TSHZ2: variants seen among roughly 807,000 people sequenced by gnomAD.
TSHZ2 encodes the protein teashirt homolog 2.
In TSHZ2, 21 loss-of-function variants were observed where a neutral mutation model predicts 74.4. The observed-to-expected ratio is 0.28, with a 90% confidence interval of 0.20 to 0.41. The LOEUF is 0.41. TSHZ2 is among the 10% of genes least tolerant of loss of function. TSHZ2 has a pLI of 1.00. For missense variants in TSHZ2, 1,244 were observed against 1,293.5 expected (o/e 0.96, Z 0.59); for synonymous variants, 540 against 515.3 (o/e 1.05, Z -0.65).
At chr20:53,310,331 C>A (rs796119961) in intron 2 of TSHZ2, among the ~76,000 whole-genome samples, 2 of 152,326 alleles carry the variant, frequency 1.3e-5, no homozygotes, top group African/African-American at 4.8e-5. Context: ...CAGAGGATAT[C>A]AACTAGTAGG....
At chr20:53,320,158 A>C (rs1169646122) in intron 2 of TSHZ2, among the ~76,000 whole-genome samples, 1 of 152,216 alleles carries the variant, frequency 6.6e-6, no homozygotes, top group Non-Finnish European at 1.5e-5. Context: ...CAAAGCACGT[A>C]CTGTGTGCCA....
intron 1 of TSHZ2, among the ~76,000 whole-genome samples, chr20:53,063,608 A>C (rs930172357): frequency 1.3e-5 from 2 of 152,222 alleles, no homozygotes; most frequent in African/African-American, 2.4e-5. Context: ...ATTTTGGAGC[A>C]TATTTTTCAT....
chr20:53,403,405 T>A (rs1982739447), intron 2 of TSHZ2, among the ~76,000 whole-genome samples: 1 of 152,244 alleles, frequency 6.6e-6, no homozygotes, highest in Admixed American at 6.5e-5. Flanking sequence ...TTCTCTCTTC[T>A]GCGGGTTCCC....
chr20:53,268,474 G>A (rs577229755), intron 2 of TSHZ2, among the ~76,000 whole-genome samples: 2 of 152,142 alleles, frequency 1.3e-5, no homozygotes, highest in African/African-American at 2.4e-5. Context: ...AGGCAATAGC[G>A]TGACTTAGAA....
chr20:53,041,741 A>G (rs113128648), intron 1 of TSHZ2, among the ~76,000 whole-genome samples: 2,148 of 152,354 alleles, frequency 0.014, 55 homozygotes, highest in African/African-American at 0.044. Flanking sequence ...GGTAAGTGGC[A>G]GAGCCAGCAT....
chr20:53,353,418 AAACTG>A (rs1335665453), intron 2 of TSHZ2, among the ~76,000 whole-genome samples: 1 of 152,190 alleles, frequency 6.6e-6, no homozygotes, highest in African/African-American at 2.4e-5. Flanking sequence ...TTTTTGGTAA[AAACTG>A]AAGTCATACC....
intron 2 of TSHZ2, among the ~76,000 whole-genome samples, chr20:53,303,185 A>G (rs1057093650): frequency 2.0e-5 from 3 of 152,264 alleles, no homozygotes; most frequent in Admixed American, 2.0e-4. Context: ...CTCTTTAAGA[A>G]AATTTCAAAA....
Position 53,254,035 on chromosome 20 carries a change from A to C in TSHZ2, c.577A>C (p.Ser193Arg). ...GTCCGTCTCGAAACCCAGCCTGTTC[A>C]GCTCGGTGCAGTTGTACCGACAGAG... ...SRSVSKPSLF[S>R]SVQLYRQSSK... The change falls in exon 2 of 3, where the codon AGC becomes CGC. Residue 193 changes from serine to arginine, a missense_variant. This residue lies in a region of TSHZ2 where 470 missense variants were observed against 456.5 expected (regional missense o/e 1.03). Coordinates refer to ENST00000371497, the MANE Select transcript of TSHZ2 (RefSeq NM_173485.6). The C allele has an allele frequency of 6.2e-7, 1 of 1,614,148 alleles. No individual in the cohort carries two copies. The highest frequency in any genetic ancestry group is 8.5e-7 in the Non-Finnish European group (1 of 1,180,030).
At chr20:53,376,967 T>C (rs1981679551) in intron 2 of TSHZ2, among the ~76,000 whole-genome samples, 1 of 152,206 alleles carries the variant, frequency 6.6e-6, no homozygotes, top group Non-Finnish European at 1.5e-5. Context: ...CTCCTCTCCA[T>C]GGGAGGAATA....
chr20:53,199,251 A>T (rs1041981583), intron 1 of TSHZ2, among the ~76,000 whole-genome samples: 1 of 152,184 alleles, frequency 6.6e-6, no homozygotes, highest in African/African-American at 2.4e-5. Context: ...TAATCCCAGC[A>T]CTTTGGGAGG....
At position 53,253,852 on chromosome 20, in the gene TSHZ2, A is replaced by T; in HGVS notation, c.394A>T (p.Ile132Phe). ...TAAAATGACCGCTGTCTACGCCAAC[A>T]TCCTGTCGGATTCCTACTGGTCAGG... ...MDKMTAVYAN[I>F]LSDSYWSGLG... The change falls in exon 2 of 3, where the codon ATC becomes TTC. Residue 132 changes from isoleucine (I) to phenylalanine (F), a missense_variant. Around this residue, in one of 6 missense-constraint regions of TSHZ2, gnomAD observed 470 missense variants for 456.5 expected, o/e 1.03. Transcript: ENST00000371497. 1 of 1,614,196 alleles carries T rather than the reference A, an allele frequency of 6.2e-7. No individual in the cohort carries two copies.
chr20:53,253,663 T>C lies in TSHZ2; in HGVS notation c.205T>C (p.Ser69Pro), dbSNP rs764625119. The change falls in exon 2 of 3, where the codon TCT (serine) becomes CCT (proline). Residue 69 changes from serine to proline, a missense_variant. Ser to Pro is a moderately conservative substitution (Grantham distance 74, BLOSUM62 -1). Around this residue, in one of 6 missense-constraint regions of TSHZ2, gnomAD observed 470 missense variants for 456.5 expected, o/e 1.03. Transcript: ENST00000371497. ...AAAAGGCTGCTTCAGCTACCAGAACTCTCCAGGAAGTCATTTGTCCAATCA... is the reference window on the plus strand; with the variant it reads ...AAAAGGCTGCTTCAGCTACCAGAACCCTCCAGGAAGTCATTTGTCCAATCA... ...EQKGCFSYQN[S>P]PGSHLSNQDA... 1.2e-6 allele frequency: 2 copies of C among 1,614,034 alleles called. No individual in the cohort carries two copies. Among genetic ancestry groups the C allele is most frequent in the East Asian group, 2.2e-5 (1 of 44,848 alleles).
At chr20:53,324,173 GT>G (rs1034219731) in intron 2 of TSHZ2, among the ~76,000 whole-genome samples, 6 of 152,046 alleles carry the variant, frequency 3.9e-5, no homozygotes, top group Non-Finnish European at 8.8e-5. Context: ...CACAGGAATG[GT>G]TCCAGTGGCG....
intron 1 of TSHZ2, among the ~76,000 whole-genome samples, chr20:53,083,943 G>A (rs957278690): frequency 2.0e-5 from 3 of 151,238 alleles, no homozygotes; most frequent in African/African-American, 7.3e-5. Context: ...ATTTATCTTG[G>A]GTAAAATCAT....
intron 1 of TSHZ2, among the ~76,000 whole-genome samples, chr20:53,202,629 A>C (rs1423022239): frequency 6.6e-6 from 1 of 152,198 alleles, no homozygotes; most frequent in Non-Finnish European, 1.5e-5. Flanking sequence ...ATTGAGACTT[A>C]TGCAAATCAC....
intron 2 of TSHZ2, among the ~76,000 whole-genome samples, chr20:53,343,274 G>A (rs1217241752): frequency 2.0e-5 from 3 of 152,074 alleles, no homozygotes; most frequent in Admixed American, 2.0e-4. Context: ...GCCAGGACCC[G>A]TATTTCTAAC....
chr20:53,189,327 C>T (rs1303762830), intron 1 of TSHZ2, among the ~76,000 whole-genome samples: 3 of 152,118 alleles, frequency 2.0e-5, no homozygotes, highest in Admixed American at 6.6e-5. Flanking sequence ...GTGGTGCAGA[C>T]AATGGTGAAC....
chr20:53,433,369 C>T (rs557161199), intron 2 of TSHZ2, among the ~76,000 whole-genome samples: 11 of 152,056 alleles, frequency 7.2e-5, no homozygotes, highest in Non-Finnish European at 1.6e-4. Context: ...CCTGTCTCTA[C>T]AAAAAGTTTA....
chr20:53,425,946 C>T (rs961564427), intron 2 of TSHZ2, among the ~76,000 whole-genome samples: 3 of 151,742 alleles, frequency 2.0e-5, no homozygotes, highest in Non-Finnish European at 2.9e-5. Flanking sequence ...TCCAAAAAAA[C>T]CCATAAATTC....
Sources: gnomAD v4.1 joint callset for allele counts (sites outside exome capture counted in the v4.1 genomes callset) on GRCh38, gnomAD v4.1.1 for gene constraint, gnomAD v4.1.1 regional missense constraint, MANE v1.5 for transcripts, NCBI Gene and HGNC (gene_info 2026-07-23, HGNC 2026-07-21) for gene names.